Variants in MGAM observed in about 807,000 individuals in gnomAD.
MGAM encodes alpha-1,4-glucosidase.
In MGAM, 253 loss-of-function variants were observed where a neutral mutation model predicts 358.8. The ratio of observed to expected loss-of-function variants is 0.71; its 90% CI spans 0.64 to 0.78. MGAM has a LOEUF of 0.78. MGAM is among the 30% of genes least tolerant of loss of function. The pLI, the probability that MGAM is intolerant of heterozygous loss-of-function variation, is 0.00. For missense variants in MGAM, 3,080 were observed against 3,432.6 expected (o/e 0.90, Z 2.57); for synonymous variants, 1,105 against 1,227.1 (o/e 0.90, Z 2.08).
chr7:142,020,626 G>A (rs1343796985), intron 4 of MGAM, among the ~76,000 whole-genome samples: 3 of 144,770 alleles, frequency 2.1e-5, no homozygotes, highest in African/African-American at 7.8e-5. Context: ...TTTTGAGAAG[G>A]AGCCTCACTC....
chr7:142,099,794 T>A, intron 67 of MGAM, 57 bp downstream of exon 67: 1 of 1,591,596 alleles, frequency 6.3e-7, no homozygotes, highest in Non-Finnish European at 8.6e-7. Context: ...CAATTTGTAA[T>A]GAAGTCCACC....
intron 65 of MGAM, 68 bp from the exon 66 acceptor site, chr7:142,097,525 T>C (rs1359817135): frequency 6.8e-7 from 1 of 1,464,132 alleles, no homozygotes; most frequent in African/African-American, 1.4e-5. Flanking sequence ...ACCTCTTTCC[T>C]AAGTATTTTG....
chr7:141,992,868 C>T (rs10267794), upstream of MGAM, among the ~76,000 whole-genome samples: 709 of 152,302 alleles, frequency 4.7e-3, 6 homozygotes, highest in African/African-American at 0.016. Context: ...CATGTATGAG[C>T]CACTGCTTCA....
chr7:142,036,392 T>C, intron 17 of MGAM, 107 bp downstream of exon 17: 1 of 815,272 alleles, frequency 1.2e-6, no homozygotes, highest in Non-Finnish European at 2.0e-6. Flanking sequence ...TACCTGGTCT[T>C]CACTTACTCT....
chr7:142,071,903 A>G (rs372330994), intron 44 of MGAM, among the ~76,000 whole-genome samples: 1 of 146,232 alleles, frequency 6.8e-6, no homozygotes, highest in Non-Finnish European at 1.5e-5. Flanking sequence ...TGCCTTTGAG[A>G]GTATTAACCT....
Position 142,030,654 on chromosome 7 carries a change from C to G in MGAM, c.1367C>G (p.Ser456Cys). 6.2e-7 allele frequency: 1 copy of G among 1,612,494 alleles called. No homozygotes were observed. Among genetic ancestry groups the G allele is most frequent in the Non-Finnish European group, 8.5e-7 (1 of 1,178,664 alleles). ...KLVIIVDPAI[S>C]NNSSSSKPYG... is the part of the protein sequence containing the mutation. Reference sequence around the variant, plus strand: ...TCCTATTTTTAGGATCCAGCCATCTCCAACAACTCTTCCTCAAGTAAACCC... The same window carrying G: ...TCCTATTTTTAGGATCCAGCCATCTGCAACAACTCTTCCTCAAGTAAACCC... Residue 456 changes from serine (S) to cysteine (C), a missense_variant, in exon 12 of 71, where the codon TCC becomes TGC. This residue lies in a region of MGAM where 1,816 missense variants were observed against 1,840.5 expected (regional missense o/e 0.99). Coordinates refer to ENST00000475668, the MANE Select transcript of MGAM (RefSeq NM_001365693.1).
intron 10 of MGAM, among the ~76,000 whole-genome samples, chr7:142,029,737 T>C (rs1472867744): frequency 6.6e-6 from 1 of 152,174 alleles, no homozygotes; most frequent in Non-Finnish European, 1.5e-5. Flanking sequence ...TTGGATACTA[T>C]TGGGAGTGAA....
intron 2 of MGAM, among the ~76,000 whole-genome samples, chr7:141,989,058 TGGG>T (rs112576096): frequency 6.6e-6 from 1 of 151,150 alleles, no homozygotes; most frequent in African/African-American, 2.4e-5. Flanking sequence ...TTTTGATAGG[TGGG>T]GGTGTAGATG....
At chr7:142,090,429 A>G (rs10269898) in intron 57 of MGAM, among the ~76,000 whole-genome samples, 11,228 of 145,462 alleles carry the variant, frequency 0.077, 1,524 homozygotes, top group African/African-American at 0.22. Flanking sequence ...TCTCTTTGTC[A>G]GGTTTCCTAG....
At chr7:142,045,267 T>C (rs1488067199) in intron 21 of MGAM, among the ~76,000 whole-genome samples, 5 of 98,182 alleles carry the variant, frequency 5.1e-5, no homozygotes, top group African/African-American at 1.8e-4. Context: ...TAATATATAT[T>C]ATATATACCT....
chr7:142,025,004 G>T (rs782196436), intron 7 of MGAM, 46 bp from the exon 8 acceptor site: 1 of 1,398,684 alleles, frequency 7.1e-7, no homozygotes, highest in South Asian at 1.2e-5. Flanking sequence ...GTGTGATGCT[G>T]AGACTTCTTA....
rs1200827904 is a variant in MGAM at position 142,034,246 on chromosome 7, C to T, written c.1670-16C>T. ...GCAACTTAGGCTCTCACTGATTGAT[C>T]CTGCTTTTGTTTCAGGAATCCTGGA... On this transcript the variant is annotated splice_polypyrimidine_tract_variant and intron_variant, in intron 14 of 70. Transcript: ENST00000475668. The T allele has an allele frequency of 6.5e-7, 1 of 1,541,062 alleles. No homozygotes were observed.
chr7:141,989,852 A>G lies in MGAM; in HGVS notation c.-2-15677A>G, dbSNP rs936980061. On this transcript the variant is annotated intron_variant, in intron 2 of 5. Transcript: ENST00000465654. ...TGTTTGACAATTTCATACTAAAGGG[A>G]TATTTTAGGGACACCTAATCCACCC... is the stretch of plus-strand genomic sequence containing the variant. 6.6e-5 allele frequency among the ~76,000 whole-genome samples: 10 copies of G among 152,340 alleles called. No homozygotes were observed. In the East Asian group the frequency reaches 1.7e-3, roughly 26 times the overall value.
rs750456630 is a variant in MGAM, at chr7:142,087,780, A to G, written c.6810+1063A>G. On this transcript the variant is annotated intron_variant, in intron 57 of 70. Coordinates refer to ENST00000475668, the MANE Select transcript of MGAM (RefSeq NM_001365693.1). The stretch of plus-strand genomic sequence containing the variant: ...TCTAGATACTCTCTCAGGATCAAGT[A>G]TTAATCAGACAAATATCCATGTTGT... Among the ~76,000 whole-genome samples, 3 of 146,606 alleles carry G rather than the reference A, an allele frequency of 2.0e-5. 1 individual carries two copies. Among genetic ancestry groups the G allele is most frequent in the Non-Finnish European group, 3.1e-5 (2 of 64,778 alleles).
Position 142,082,090 on chromosome 7 carries a change from C to G in MGAM, c.6051C>G (p.Arg2017=), listed in dbSNP as rs1261433229. 1 of 1,555,956 alleles carries G rather than the reference C, an allele frequency of 6.4e-7. No homozygotes were observed. Among genetic ancestry groups the G allele is most frequent in the Non-Finnish European group, 8.8e-7 (1 of 1,132,464 alleles). ...LGFTFNDMFI[R]ISTRLPSKYL... ...TCACCTTCAATGACATGTTTATCCG[C>G]ATCTCCACCCGCCTTCCCTCCAAGT... The change falls in exon 51 of 71, where the codon CGC becomes CGG. Residue 2017 remains arginine (R), a synonymous_variant. Transcript: ENST00000475668.
intron 31 of MGAM, 141 bp downstream of exon 31, chr7:142,058,469 C>A (rs1811773405): frequency 2.1e-6 from 3 of 1,434,168 alleles, no homozygotes; most frequent in Non-Finnish European, 2.8e-6. Context: ...CTCACCCCAG[C>A]ACAGTAATAT....
chr7:142,078,291 T>C, intron 47 of MGAM, 27 bp from the exon 48 acceptor site: 1 of 1,416,544 alleles, frequency 7.1e-7, no homozygotes, highest in Non-Finnish European at 9.5e-7. Flanking sequence ...AAAGATGAAT[T>C]TCCTTGTGAT....
At chr7:142,021,774 A>C in intron 6 of MGAM, 37 bp downstream of exon 6, 4 of 1,608,446 alleles carry the variant, frequency 2.5e-6, no homozygotes, top group Non-Finnish European at 3.4e-6. Flanking sequence ...TCAGAGTAGG[A>C]AGGTTACAGG....
rs772612831 is a variant in MGAM, at chr7:142,076,399, A to C, written c.5325+147A>C. On this transcript the variant is annotated intron_variant, in intron 46 of 70. Transcript: ENST00000475668. ...CACATTTCTATTTATGATTTCATCG[A>C]TGTTTTCAAAAGGAGGCATTAATAT... The C allele has an allele frequency of 7.2e-6, 7 of 977,712 alleles. No individual in the cohort carries two copies. In the South Asian group the frequency reaches 9.1e-5, roughly 13 times the overall value. The allele number at this position is 977,712 out of a possible 1,614,324, so 60.6% of individuals were successfully genotyped here.
Sources: gnomAD v4.1 joint callset for allele counts (sites outside exome capture counted in the v4.1 genomes callset) on GRCh38, gnomAD v4.1.1 for gene constraint, gnomAD v4.1.1 regional missense constraint, MANE v1.5 for transcripts, NCBI Gene and HGNC (gene_info 2026-07-23, HGNC 2026-07-21) for gene names.